LRRTM3: variants seen among roughly 807,000 people sequenced by gnomAD.
LRRTM3 encodes leucine-rich repeat transmembrane neuronal protein 3.
In LRRTM3, 24 loss-of-function variants were observed where a neutral mutation model predicts 44.7. The ratio of observed to expected loss-of-function variants is 0.54; its 90% CI spans 0.39 to 0.76. The LOEUF (loss-of-function observed/expected upper bound fraction) is 0.76, where lower values mean the gene tolerates loss of function less well. LRRTM3 is among the 30% of genes least tolerant of loss of function. LRRTM3 has a pLI of 0.00. For synonymous variants in LRRTM3, 277 were observed against 278.7 expected (o/e 0.99, Z 0.06); for missense variants, 587 against 702.2 (o/e 0.84, Z 1.85).
intron 2 of LRRTM3, among the ~76,000 whole-genome samples, chr10:67,051,567 C>T (rs1293000887): frequency 6.6e-6 from 1 of 150,920 alleles, no homozygotes; most frequent in Non-Finnish European, 1.5e-5. Context: ...TCAAGCGATT[C>T]TCCTGCCTCA....
chr10:67,057,726 C>T (rs1327371224), intron 2 of LRRTM3, among the ~76,000 whole-genome samples: 1 of 152,080 alleles, frequency 6.6e-6, no homozygotes, highest in African/African-American at 2.4e-5. Flanking sequence ...ATTTTACCAC[C>T]ACCACCACGA....
chr10:66,928,479 T>C (rs1298766970), intron 2 of LRRTM3, 27 bp downstream of exon 2: 2 of 1,549,210 alleles, frequency 1.3e-6, no homozygotes, highest in African/African-American at 2.8e-5. Flanking sequence ...TAAAAAGAGC[T>C]CTTAAAAGCT....
chr10:67,089,741 G>GTGTC (rs2131904581), intron 2 of LRRTM3, among the ~76,000 whole-genome samples: 1 of 151,694 alleles, frequency 6.6e-6, no homozygotes, highest in South Asian at 2.1e-4. Flanking sequence ...GTGTGTGTGT[G>GTGTC]TGTGTGTGTG....
chr10:66,969,424 T>C (rs574617933), intron 2 of LRRTM3, among the ~76,000 whole-genome samples: 16 of 152,178 alleles, frequency 1.1e-4, no homozygotes, highest in Non-Finnish European at 1.6e-4. Flanking sequence ...GATGCACATT[T>C]GAATAATGTA....
intron 2 of LRRTM3, among the ~76,000 whole-genome samples, chr10:67,068,785 C>G (rs988030313): frequency 3.3e-5 from 5 of 152,174 alleles, no homozygotes; most frequent in African/African-American, 1.2e-4. Context: ...TTGGACCAGG[C>G]ATTGTGGCTT....
At chr10:67,004,134 G>T (rs1851838209) in intron 2 of LRRTM3, among the ~76,000 whole-genome samples, 1 of 151,788 alleles carries the variant, frequency 6.6e-6, no homozygotes, top group Non-Finnish European at 1.5e-5. Context: ...TGGAGCCATG[G>T]CTGTGTATCA....
In LRRTM3 at chr10:66,943,410, A is replaced by G. The variant is rs146665682; in HGVS notation, c.1536+14958A>G. ...GAAACTGACTATACCACTCAAAAAG[A>G]CCATCTTTTTATGGTATATCTTCAA... On this transcript the variant is annotated intron_variant, in intron 2 of 2. Coordinates refer to ENST00000361320, the MANE Select transcript of LRRTM3 (RefSeq NM_178011.5). Among the ~76,000 whole-genome samples, 583 of 152,146 alleles carry G rather than the reference A, an allele frequency of 3.8e-3. 4 individuals carry two copies. The highest frequency in any genetic ancestry group is 0.013 in the African/African-American group (558 of 41,510).
At chr10:67,059,688 A>T (rs1855646408) in intron 2 of LRRTM3, among the ~76,000 whole-genome samples, 2 of 152,164 alleles carry the variant, frequency 1.3e-5, no homozygotes, top group Admixed American at 1.3e-4. Context: ...TTCCCTGAAC[A>T]TCCAAACTTG....
At chr10:67,060,640 T>G (rs115700229) in intron 2 of LRRTM3, among the ~76,000 whole-genome samples, 2,727 of 152,194 alleles carry the variant, frequency 0.018, 86 homozygotes, top group African/African-American at 0.061. Flanking sequence ...CTGTTGGCAG[T>G]TTCTCTTTCT....
intron 2 of LRRTM3, among the ~76,000 whole-genome samples, chr10:67,094,911 A>G (rs1173206415): frequency 3.3e-5 from 5 of 151,672 alleles, no homozygotes; most frequent in African/African-American, 1.2e-4. Flanking sequence ...AGATGTCATG[A>G]GTATGTAAAA....
At chr10:66,961,977 C>A (rs750891874) in intron 2 of LRRTM3, among the ~76,000 whole-genome samples, 1 of 152,106 alleles carries the variant, frequency 6.6e-6, no homozygotes, top group African/African-American at 2.4e-5. Flanking sequence ...GAAGACTCCA[C>A]GCTGTAAATG....
intron 2 of LRRTM3, among the ~76,000 whole-genome samples, chr10:67,045,587 G>C (rs1259769070): frequency 6.6e-6 from 1 of 152,318 alleles, no homozygotes; most frequent in Non-Finnish European, 1.5e-5. Flanking sequence ...AACTTCCATT[G>C]CGTGACGGGC....
chr10:67,026,772 T>C (rs1382759897), intron 2 of LRRTM3, among the ~76,000 whole-genome samples: 1 of 152,200 alleles, frequency 6.6e-6, no homozygotes, highest in Non-Finnish European at 1.5e-5. Flanking sequence ...AAGAGTTGAT[T>C]GACATAAGGA....
At chr10:66,967,838 C>A (rs1487801942) in intron 2 of LRRTM3, among the ~76,000 whole-genome samples, 1 of 151,962 alleles carries the variant, frequency 6.6e-6, no homozygotes, top group East Asian at 1.9e-4. Context: ...TCGAAAGGTT[C>A]AATTCTACAA....
At chr10:67,030,934 G>A (rs1049469711) in intron 2 of LRRTM3, among the ~76,000 whole-genome samples, 1 of 152,150 alleles carries the variant, frequency 6.6e-6, no homozygotes, top group African/African-American at 2.4e-5. Context: ...AACCCGAGAG[G>A]TGGAGGTTGC....
intron 2 of LRRTM3, among the ~76,000 whole-genome samples, chr10:66,962,859 T>G (rs1305396255): frequency 6.6e-6 from 1 of 152,204 alleles, no homozygotes; most frequent in Non-Finnish European, 1.5e-5. Context: ...TTTATTCATT[T>G]GTTTATCTGT....
intron 2 of LRRTM3, among the ~76,000 whole-genome samples, chr10:66,946,783 A>G (rs1300682727): frequency 6.6e-6 from 1 of 151,974 alleles, no homozygotes; most frequent in East Asian, 1.9e-4. Flanking sequence ...AGGCACACAC[A>G]TAGAATTAAT....
chr10:66,960,581 G>C (rs560397710), intron 2 of LRRTM3, among the ~76,000 whole-genome samples: 1 of 152,308 alleles, frequency 6.6e-6, no homozygotes, highest in South Asian at 2.1e-4. Context: ...CAAGAGAAAA[G>C]AGAGAAAAAC....
chr10:66,964,277 CTTT>C (rs566704978), intron 2 of LRRTM3, among the ~76,000 whole-genome samples: 3 of 140,202 alleles, frequency 2.1e-5, no homozygotes, highest in Admixed American at 7.2e-5. Context: ...AAGAGCAGGT[CTTT>C]TTTTTTTTTT....
Sources: gnomAD v4.1 joint callset for allele counts (sites outside exome capture counted in the v4.1 genomes callset) on GRCh38, gnomAD v4.1.1 for gene constraint, MANE v1.5 for transcripts, NCBI Gene and HGNC (gene_info 2026-07-23, HGNC 2026-07-21) for gene names.